Variants in SUFU observed in about 807,000 individuals in gnomAD.
The protein encoded by SUFU is suppressor of fused homolog.
In SUFU, 7 loss-of-function variants were observed where a neutral mutation model predicts 58.9. The observed-to-expected ratio is 0.12, with a 90% confidence interval of 0.07 to 0.22. The LOEUF is 0.22. SUFU is among the 10% of genes least tolerant of loss of function. SUFU has a pLI of 1.00. For synonymous variants in SUFU, 232 were observed against 254.8 expected (o/e 0.91, Z 0.85); for missense variants, 451 against 641.3 (o/e 0.70, Z 3.20).
chr10:102,618,945 T>TGC lies in SUFU; in HGVS notation c.1296+1518_1296+1519insCG. 6 of 686,908 alleles carry TGC rather than the reference T, an allele frequency of 8.7e-6. No homozygotes were observed. In the South Asian group the frequency reaches 1.0e-4, roughly 12 times the overall value. 42.6% of individuals were successfully genotyped at this position (686,908 alleles called of 1,614,324 possible). A position where few individuals can be genotyped will look rare whatever the true frequency, so the allele number is the denominator to read the frequency against. ...TCCTCAGGTAGCGTGTGTGTGTGTG[T>TGC]GTGTGTGTGTGTGTGTGTGTGTGTG... On this transcript the variant is annotated intron_variant, in intron 10 of 11. Coordinates refer to ENST00000369902, the MANE Select transcript of SUFU (RefSeq NM_016169.4).
Position 102,504,241 on chromosome 10 carries a change from T to G in SUFU, c.89T>G (p.Phe30Cys). Residue 30 changes from phenylalanine (F) to cysteine (C), a missense_variant, in exon 1 of 12, where the codon TTT becomes TGT. Coordinates refer to ENST00000369902, the MANE Select transcript of SUFU (RefSeq NM_016169.4). ...PTAPPAFASL[F>C]PPGLHAIYGE... ...GCCCCCCCGGCCTTCGCTTCGCTCT[T>G]TCCCCCGGGACTGCACGCCATCTAC... The G allele has an allele frequency of 6.2e-7, 1 of 1,613,608 alleles. No individual in the cohort carries two copies. Among genetic ancestry groups the G allele is most frequent in the East Asian group, 2.2e-5 (1 of 44,838 alleles).
In SUFU at chr10:102,559,949, T is replaced by C. The variant is rs188692597; in HGVS notation, c.454+9843T>C. Among the ~76,000 whole-genome samples the C allele has an allele frequency of 2.1e-4, 32 of 152,318 alleles. No homozygotes were observed. The East Asian group carries it at 5.0e-3, about 24-fold the overall frequency. On this transcript the variant is annotated intron_variant, in intron 3 of 11. Transcript: ENST00000369902. Reference sequence around the variant, plus strand: ...TGGCAACCTCATGACATGTGCTCAGTTGGCTCGATTTGTGAGTGGCTCGAT... The same window carrying C: ...TGGCAACCTCATGACATGTGCTCAGCTGGCTCGATTTGTGAGTGGCTCGAT...
chr10:102,578,934 C>T (rs2063244875), intron 3 of SUFU, among the ~76,000 whole-genome samples: 1 of 151,790 alleles, frequency 6.6e-6, no homozygotes, highest in Admixed American at 6.6e-5. Flanking sequence ...GGTGGCAGGC[C>T]CTCGTGCTGG....
intron 2 of SUFU, 128 bp from the exon 3 acceptor site, chr10:102,549,842 G>A: frequency 8.1e-7 from 1 of 1,232,458 alleles, no homozygotes. Flanking sequence ...TCACATCCTG[G>A]GATACTCCTC....
intron 3 of SUFU, among the ~76,000 whole-genome samples, chr10:102,573,784 T>C (rs1370689562): frequency 6.6e-6 from 1 of 152,008 alleles, no homozygotes; most frequent in African/African-American, 2.4e-5. Flanking sequence ...AGTAGTTAGG[T>C]TCATAGAGAC....
rs745793517 is a variant in SUFU, at chr10:102,504,261, A to G, written c.109A>G (p.Ile37Val). 3.3e-6 allele frequency: 5 copies of G among 1,521,868 alleles called. No homozygotes were observed. In the East Asian group the frequency reaches 1.3e-4, roughly 40 times the overall value. 94.3% of individuals were successfully genotyped at this position (1,521,868 alleles called of 1,614,324 possible). Residue 37 changes from isoleucine (I) to valine (V), a missense_variant, in exon 1 of 12, where the codon ATC (isoleucine) becomes GTC (valine). Coordinates refer to ENST00000369902, the MANE Select transcript of SUFU (RefSeq NM_016169.4). ...ASLFPPGLHA[I>V]YGECRRLYPD... ...GCTCTTTCCCCCGGGACTGCACGCC[A>G]TCTACGGAGAGTGCCGCCGCCTTTA...
At chr10:102,581,488 C>T (rs142784914) in intron 3 of SUFU, among the ~76,000 whole-genome samples, 20 of 152,282 alleles carry the variant, frequency 1.3e-4, no homozygotes, top group African/African-American at 4.6e-4. Context: ...TATTTCTGCT[C>T]GTGGGCCTTC....
chr10:102,568,898 AT>A (rs1279179620), intron 3 of SUFU, among the ~76,000 whole-genome samples: 273 of 5,948 alleles, frequency 0.046, 30 homozygotes, highest in African/African-American at 0.11. Flanking sequence ...AAAAAAAAAA[AT>A]ATATATATAT....
chr10:102,524,418 T>A (rs1474204008), intron 2 of SUFU, among the ~76,000 whole-genome samples: 1 of 149,592 alleles, frequency 6.7e-6, no homozygotes, highest in East Asian at 2.0e-4. Flanking sequence ...CTCCGCCTCC[T>A]GGGATCAAGC....
intron 8 of SUFU, among the ~76,000 whole-genome samples, chr10:102,610,278 A>G (rs1297163575): frequency 6.6e-6 from 1 of 151,336 alleles, no homozygotes; most frequent in East Asian, 1.9e-4. Flanking sequence ...CTATAATCCT[A>G]GCTGCTCGGT....
chr10:102,575,407 C>T (rs1214865969), intron 3 of SUFU, among the ~76,000 whole-genome samples: 1 of 152,176 alleles, frequency 6.6e-6, no homozygotes, highest in Non-Finnish European at 1.5e-5. Flanking sequence ...TAAAGGGCCC[C>T]ATCTGATGAA....
intron 3 of SUFU, among the ~76,000 whole-genome samples, chr10:102,571,044 G>GT (rs943587707): frequency 1.2e-4 from 19 of 152,180 alleles, no homozygotes; most frequent in African/African-American, 4.6e-4. Context: ...GTTTTGGTAG[G>GT]TGAAAAAACA....
At chr10:102,595,884 T>C (rs754124599) in intron 6 of SUFU, among the ~76,000 whole-genome samples, 2 of 152,302 alleles carry the variant, frequency 1.3e-5, no homozygotes, top group East Asian at 3.9e-4. Flanking sequence ...TTTTTACTTA[T>C]AAAGTAAATA....
At chr10:102,627,098 A>G in intron 10 of SUFU, 77 bp from the exon 11 acceptor site, 1 of 1,465,512 alleles carries the variant, frequency 6.8e-7, no homozygotes, top group East Asian at 2.3e-5. Flanking sequence ...GTCAGAAGAG[A>G]GGTATAACGC....
intron 2 of SUFU, among the ~76,000 whole-genome samples, chr10:102,510,887 G>A (rs938366544): frequency 6.6e-6 from 1 of 151,854 alleles, no homozygotes; most frequent in Non-Finnish European, 1.5e-5. Context: ...TTGGGAGGTC[G>A]AGGCAGGCGG....
rs764614555 is a variant in SUFU, at chr10:102,619,342, C to T, written c.1296+1914C>T. On this transcript the variant is annotated intron_variant, in intron 10 of 11. Coordinates refer to ENST00000369902, the MANE Select transcript of SUFU (RefSeq NM_016169.4). This position sits in a 1 kb window ranked among gnomAD's most constrained non-coding sequence, Gnocchi z 4.2. ...CTCAGCGAGCCTGAGGCCCAGCACCCGCTGGCTCCCCAGCACATGGTCCCC... is the reference window on the plus strand; with the variant it reads ...CTCAGCGAGCCTGAGGCCCAGCACCTGCTGGCTCCCCAGCACATGGTCCCC... 54 of 1,422,704 alleles carry T rather than the reference C, an allele frequency of 3.8e-5. No individual in the cohort carries two copies. The highest frequency in any genetic ancestry group is 4.5e-5 in the Non-Finnish European group (49 of 1,091,238). The allele number at this position is 1,422,704 out of a possible 1,614,324, so 88.1% of individuals were successfully genotyped here.
chr10:102,618,955 T>TGTGTGC, intron 10 of SUFU: 2 of 767,710 alleles, frequency 2.6e-6, no homozygotes, highest in South Asian at 3.2e-5. Context: ...TGTGTGTGTG[T>TGTGTGC]GTGTGTGTGT....
intron 3 of SUFU, among the ~76,000 whole-genome samples, chr10:102,589,365 G>A (rs1419508466): frequency 6.8e-6 from 1 of 147,410 alleles, no homozygotes; most frequent in African/African-American, 2.5e-5. Context: ...AAGGTTTTCT[G>A]TATACAATAT....
intron 3 of SUFU, among the ~76,000 whole-genome samples, chr10:102,581,148 C>A (rs1281218837): frequency 7.5e-6 from 1 of 133,300 alleles, no homozygotes; most frequent in African/African-American, 2.8e-5. Flanking sequence ...TCATTGCACT[C>A]CAGCCTGGGC....
Sources: gnomAD v4.1 joint callset for allele counts (sites outside exome capture counted in the v4.1 genomes callset) on GRCh38, gnomAD v4.1.1 for gene constraint, Gnocchi (gnomAD v3.1) non-coding constraint, MANE v1.5 for transcripts, NCBI Gene and HGNC (gene_info 2026-07-23, HGNC 2026-07-21) for gene names.